STAP1: variants seen among roughly 807,000 people sequenced by gnomAD.
STAP1 encodes signal-transducing adaptor protein 1.
In STAP1, 30 loss-of-function variants were observed where a neutral mutation model predicts 37.8. The observed-to-expected ratio is 0.79, with a 90% CI of 0.59 to 1.08. The LOEUF (loss-of-function observed/expected upper bound fraction) is 1.08, where lower values mean the gene tolerates loss of function less well. Ranked by LOEUF, STAP1 falls within the 50% of genes least tolerant of loss-of-function variation. The pLI, the probability that STAP1 is intolerant of heterozygous loss-of-function variation, is 0.00. For missense variants in STAP1, 357 were observed against 349.4 expected (o/e 1.02, Z -0.17); for synonymous variants, 130 against 116.0 (o/e 1.12, Z -0.78).
At chr4:67,595,361 C>T (rs1577767392) in intron 8 of STAP1, among the ~76,000 whole-genome samples, 2 of 106,352 alleles carry the variant, frequency 1.9e-5, no homozygotes, top group African/African-American at 8.4e-5. Context: ...CATAGGGAGA[C>T]TTCGTTTCTA....
intron 1 of STAP1, among the ~76,000 whole-genome samples, chr4:67,565,365 G>A (rs1727443329): frequency 6.6e-6 from 1 of 152,146 alleles, no homozygotes; most frequent in Non-Finnish European, 1.5e-5. Context: ...ACATAGGAAT[G>A]ACAATGGGTT....
At chr4:67,594,746 A>G (rs1320494650) in intron 8 of STAP1, among the ~76,000 whole-genome samples, 2 of 152,080 alleles carry the variant, frequency 1.3e-5, no homozygotes, top group Non-Finnish European at 2.9e-5. Context: ...TTCTTTTTAC[A>G]TTGTCTAATT....
At chr4:67,601,314 C>G (rs1461456247) in intron 8 of STAP1, among the ~76,000 whole-genome samples, 1 of 152,122 alleles carries the variant, frequency 6.6e-6, no homozygotes, top group Non-Finnish European at 1.5e-5. Context: ...CTTATACTGT[C>G]TATGTCTTGA....
intron 1 of STAP1, among the ~76,000 whole-genome samples, chr4:67,570,493 C>T (rs189241537): frequency 3.9e-5 from 6 of 152,096 alleles, no homozygotes; most frequent in South Asian, 2.1e-4. Flanking sequence ...AAATGTTATA[C>T]TAAAATAAAC....
chr4:67,565,241 T>C (rs1268627063), intron 1 of STAP1, among the ~76,000 whole-genome samples: 1 of 152,236 alleles, frequency 6.6e-6, no homozygotes, highest in East Asian at 1.9e-4. Flanking sequence ...CATATGGTTT[T>C]TTACAGAATG....
intron 5 of STAP1, among the ~76,000 whole-genome samples, chr4:67,583,012 A>G (rs1403957693): frequency 2.0e-5 from 3 of 152,258 alleles, no homozygotes; most frequent in African/African-American, 4.8e-5. Context: ...TTATCGGGAT[A>G]TAATCCCATC....
At chr4:67,576,420 A>G (rs1392317484) in intron 3 of STAP1, among the ~76,000 whole-genome samples, 1 of 152,206 alleles carries the variant, frequency 6.6e-6, no homozygotes, top group African/African-American at 2.4e-5. Context: ...TTAGCACTTA[A>G]AGGTACTTAG....
intron 8 of STAP1, among the ~76,000 whole-genome samples, chr4:67,599,787 G>T (rs1728302401): frequency 6.6e-6 from 1 of 151,846 alleles, no homozygotes; most frequent in Admixed American, 6.6e-5. Context: ...GATTACAGGT[G>T]TGTGCCACCA....
rs1553901804 is a variant in STAP1 at position 67,584,116 on chromosome 4, A to AT, written c.659+414_659+415insT. On this transcript the variant is annotated intron_variant, in intron 6 of 8. Transcript: ENST00000265404. ...CGGTCTCGAAAAAAAAAAAAAAAAA[A>AT]GAACACAAGAATAGGGAGGGAATGT... Among the ~76,000 whole-genome samples the AT allele has an allele frequency of 3.5e-3, 471 of 134,118 alleles. 28 individuals carry two copies. The highest frequency in any genetic ancestry group is 0.011 in the African/African-American group (389 of 36,782). 88.0% of individuals were successfully genotyped at this position (134,118 alleles called of 152,430 possible).
At position 67,575,395 on chromosome 4, in the gene STAP1, A is replaced by AGT; in HGVS notation, c.203_204insGT (p.Leu69TyrfsTer2). The stretch of plus-strand genomic sequence containing the variant: ...CCTTTATCTTTGCAGTATGTTGACA[A>AGT]ATTAGACATAGTAGACCTCACATGC... On this transcript the variant is annotated frameshift_variant, in exon 3 of 9. Transcript: ENST00000265404. LOFTEE classifies it high-confidence loss of function. 2 of 1,587,552 alleles carry AGT rather than the reference A, an allele frequency of 1.3e-6. No individual in the cohort carries two copies. Among genetic ancestry groups the AGT allele is most frequent in the South Asian group, 2.3e-5 (2 of 85,374 alleles).
At chr4:67,562,068 CAAAAAAAAAAAA>C (rs71219057) in intron 1 of STAP1, among the ~76,000 whole-genome samples, 4 of 77,256 alleles carry the variant, frequency 5.2e-5, no homozygotes, top group Admixed American at 4.5e-4. Context: ...GAGACTCTGT[CAAAAAAAAAAAA>C]AAAAAAAAAA....
intron 8 of STAP1, among the ~76,000 whole-genome samples, chr4:67,603,400 A>G (rs989681802): frequency 6.6e-6 from 1 of 152,176 alleles, no homozygotes; most frequent in Non-Finnish European, 1.5e-5. Flanking sequence ...CCAAGCTGCA[A>G]GACAAAGTCT....
chr4:67,578,165 ACT>A (rs527373859), intron 4 of STAP1, among the ~76,000 whole-genome samples: 84 of 152,202 alleles, frequency 5.5e-4, no homozygotes, highest in African/African-American at 2.0e-3. Context: ...CTTAGAGTTA[ACT>A]CTTGCAGTAA....
chr4:67,577,506 C>T (rs1040149623), intron 4 of STAP1, among the ~76,000 whole-genome samples: 4 of 152,042 alleles, frequency 2.6e-5, no homozygotes, highest in Admixed American at 6.6e-5. Context: ...CAAGGCAATT[C>T]GCTAGGGAGT....
chr4:67,606,567 G>A lies in STAP1; in HGVS notation c.*210G>A. The A allele has an allele frequency of 2.1e-6, 1 of 484,310 alleles. No individual in the cohort carries two copies. Among genetic ancestry groups the A allele is most frequent in the Non-Finnish European group, 3.6e-6 (1 of 276,420 alleles). 30.0% of individuals were successfully genotyped at this position (484,310 alleles called of 1,614,324 possible). Reference sequence around the variant, plus strand: ...CACAGGGAAACTAGAGACTACGGCTGTGGTGGTAACCTGCAGATATACACA... The same window carrying A: ...CACAGGGAAACTAGAGACTACGGCTATGGTGGTAACCTGCAGATATACACA... On this transcript the variant is annotated 3_prime_UTR_variant, in exon 9 of 9. Coordinates refer to ENST00000265404, the MANE Select transcript of STAP1 (RefSeq NM_012108.4).
chr4:67,568,381 C>A (rs945684261), intron 1 of STAP1, among the ~76,000 whole-genome samples: 2 of 152,122 alleles, frequency 1.3e-5, no homozygotes, highest in African/African-American at 4.8e-5. Context: ...GAATGATTAA[C>A]ATGTTTATTA....
chr4:67,580,064 G>T (rs186564030), intron 4 of STAP1, among the ~76,000 whole-genome samples: 3 of 152,048 alleles, frequency 2.0e-5, no homozygotes, highest in Non-Finnish European at 4.4e-5. Context: ...CATAATGTTA[G>T]CCAGGCTGAT....
At chr4:67,602,939 T>A (rs1393616386) in intron 8 of STAP1, among the ~76,000 whole-genome samples, 3 of 152,168 alleles carry the variant, frequency 2.0e-5, no homozygotes, top group Non-Finnish European at 4.4e-5. Context: ...AAATGGCTAA[T>A]CCAGCCAAGC....
intron 5 of STAP1, among the ~76,000 whole-genome samples, chr4:67,581,845 C>T (rs1033969270): frequency 3.3e-5 from 5 of 152,122 alleles, no homozygotes; most frequent in South Asian, 2.1e-4. Context: ...ATTTTCAATA[C>T]CTAGAATGTT....
Sources: gnomAD v4.1 joint callset for allele counts (sites outside exome capture counted in the v4.1 genomes callset) on GRCh38, gnomAD v4.1.1 for gene constraint, MANE v1.5 for transcripts, NCBI Gene and HGNC (gene_info 2026-07-23, HGNC 2026-07-21) for gene names.